The following CPNE4 variants were observed in gnomAD, a reference collection of about 807,000 sequenced individuals.
CPNE4 encodes copine-4.
A neutral mutation model predicts 67.9 loss-of-function variants in CPNE4; 25 were observed. That is an observed-to-expected ratio of 0.37 (90% CI 0.27 to 0.51). The LOEUF (loss-of-function observed/expected upper bound fraction) is 0.51, where lower values mean the gene tolerates loss of function less well. CPNE4 is among the 20% of genes least tolerant of loss of function. The pLI is 0.93. For missense variants in CPNE4, 464 were observed against 690.8 expected, an observed-to-expected ratio of 0.67 and a Z score of 3.68; for synonymous variants, 242 against 244.9, an observed-to-expected ratio of 0.99 and a Z score of 0.11.
chr3:131,609,941 C>T (rs532737031), intron 7 of CPNE4, among the ~76,000 whole-genome samples: 11 of 152,170 alleles, frequency 7.2e-5, no homozygotes, highest in African/African-American at 2.2e-4. Flanking sequence ...GCTGCATGGA[C>T]GATATCCAAC....
intron 2 of CPNE4, among the ~76,000 whole-genome samples, chr3:131,728,790 G>C (rs1583095147): frequency 6.6e-6 from 1 of 151,018 alleles, no homozygotes; most frequent in African/African-American, 2.4e-5. Context: ...GGCGCCTGTA[G>C]TCCCAGCTAC....
chr3:132,032,146 A>G (rs11708669), intron 1 of CPNE4, among the ~76,000 whole-genome samples: 33,466 of 152,144 alleles, frequency 0.22, 4,644 homozygotes, highest in East Asian at 0.38. Context: ...AAGTCTTTTA[A>G]TTTCTTTTTA....
At chr3:131,837,187 A>C (rs1422020623) in intron 2 of CPNE4, among the ~76,000 whole-genome samples, 1 of 152,112 alleles carries the variant, frequency 6.6e-6, no homozygotes, top group African/African-American at 2.4e-5. Flanking sequence ...ATAAACTGAC[A>C]AATATGACTG....
At chr3:131,684,328 A>T (rs1434080878) in intron 6 of CPNE4, among the ~76,000 whole-genome samples, 2 of 152,242 alleles carry the variant, frequency 1.3e-5, no homozygotes, top group East Asian at 3.8e-4. Flanking sequence ...GGTGGTAATG[A>T]GATGCCACTC....
chr3:131,950,057 A>G (rs2071676783), intron 1 of CPNE4, among the ~76,000 whole-genome samples: 1 of 152,168 alleles, frequency 6.6e-6, no homozygotes, highest in Admixed American at 6.5e-5. Flanking sequence ...TGCAGTAGTT[A>G]TGTTGTATAA....
intron 1 of CPNE4, among the ~76,000 whole-genome samples, chr3:132,002,146 C>T (rs997573862): frequency 1.3e-5 from 2 of 152,144 alleles, no homozygotes; most frequent in Non-Finnish European, 2.9e-5. Context: ...ATGGTGATAG[C>T]CCCCATGTCT....
chr3:131,840,608 T>TG (rs1364292609), intron 2 of CPNE4, among the ~76,000 whole-genome samples: 1 of 152,092 alleles, frequency 6.6e-6, no homozygotes, highest in African/African-American at 2.4e-5. Flanking sequence ...CCACCCTGAG[T>TG]TCTTGGCAGC....
At chr3:131,911,987 A>C (rs1179920358) in intron 1 of CPNE4, among the ~76,000 whole-genome samples, 2 of 152,184 alleles carry the variant, frequency 1.3e-5, no homozygotes, top group African/African-American at 4.8e-5. Context: ...GGCCCAGAGA[A>C]GCGGAGTAAA....
chr3:131,784,740 G>T (rs1195323580), intron 2 of CPNE4, among the ~76,000 whole-genome samples: 1 of 151,918 alleles, frequency 6.6e-6, no homozygotes, highest in Non-Finnish European at 1.5e-5. Context: ...CTTAATTCTT[G>T]CTTTCTGACA....
intron 7 of CPNE4, among the ~76,000 whole-genome samples, chr3:131,618,386 C>CT (rs1318700748): frequency 1.3e-5 from 2 of 152,090 alleles, no homozygotes; most frequent in Admixed American, 1.3e-4. Flanking sequence ...CAACTTATGA[C>CT]TTTTTTGTGG....
intron 7 of CPNE4, among the ~76,000 whole-genome samples, chr3:131,662,605 T>C (rs1399893866): frequency 2.8e-5 from 4 of 141,914 alleles, no homozygotes; most frequent in Non-Finnish European, 4.6e-5. Flanking sequence ...TATAAGGAAC[T>C]TAAACAAATT....
intron 1 of CPNE4, among the ~76,000 whole-genome samples, chr3:131,961,452 A>C (rs192510979): frequency 6.6e-6 from 1 of 152,298 alleles, no homozygotes; most frequent in African/African-American, 2.4e-5. Flanking sequence ...TCAACAAATA[A>C]GCATCATCAT....
chr3:131,676,278 C>T (rs893466527), intron 6 of CPNE4, among the ~76,000 whole-genome samples: 4 of 151,890 alleles, frequency 2.6e-5, no homozygotes, highest in African/African-American at 9.7e-5. Context: ...AGGCTGGTGT[C>T]CAACTCCTGG....
At chr3:131,722,006 T>C (rs973961580) in intron 3 of CPNE4, among the ~76,000 whole-genome samples, 2 of 152,200 alleles carry the variant, frequency 1.3e-5, no homozygotes, top group African/African-American at 4.8e-5. Context: ...ATTTCAGTAT[T>C]GGGCTTTTGA....
intron 6 of CPNE4, among the ~76,000 whole-genome samples, chr3:131,680,033 T>A (rs1486129330): frequency 2.0e-5 from 3 of 152,146 alleles, no homozygotes; most frequent in Non-Finnish European, 4.4e-5. Flanking sequence ...GGTGTTAAAG[T>A]CTCCCACTAT....
At chr3:131,664,580 G>A (rs1034166124) in intron 7 of CPNE4, among the ~76,000 whole-genome samples, 1 of 152,020 alleles carries the variant, frequency 6.6e-6, no homozygotes, top group Non-Finnish European at 1.5e-5. Flanking sequence ...TGGTTGAAAA[G>A]GTCAAGAAAT....
At position 131,941,032 on chromosome 3, in the gene CPNE4, A is replaced by G. The variant is rs558844081; in HGVS notation, c.-1-35588T>C. 3.9e-5 allele frequency among the ~76,000 whole-genome samples: 6 copies of G among 152,172 alleles called. No individual in the cohort carries two copies. The East Asian group carries it at 1.2e-3, about 29-fold the overall frequency. On this transcript the variant is annotated intron_variant, in intron 1 of 15. Coordinates refer to ENST00000429747, the MANE Select transcript of CPNE4 (RefSeq NM_130808.3). ...GAAACAAAATGAAGATTTACTTAAGACCTATGATCCTCCAAGACACTATTA... is the reference window on the plus strand; with the variant it reads ...GAAACAAAATGAAGATTTACTTAAGGCCTATGATCCTCCAAGACACTATTA...
Position 131,614,961 on chromosome 3 carries a change from G to A in CPNE4, c.682-27379C>T, listed in dbSNP as rs148886754. On this transcript the variant is annotated intron_variant, in intron 7 of 15. Transcript: ENST00000429747. ...AAAATAGAGTCTCCCTGGGGTCTTAGGAAGCTCACACAAGTATCCTAGATC... is the reference window on the plus strand; with the variant it reads ...AAAATAGAGTCTCCCTGGGGTCTTAAGAAGCTCACACAAGTATCCTAGATC... 2.2e-3 allele frequency among the ~76,000 whole-genome samples: 339 copies of A among 152,226 alleles called. 1 individual carries two copies. Among genetic ancestry groups the A allele is most frequent in the African/African-American group, 8.0e-3 (332 of 41,528 alleles).
At chr3:131,983,000 T>C (rs2072947733) in intron 1 of CPNE4, among the ~76,000 whole-genome samples, 1 of 152,080 alleles carries the variant, frequency 6.6e-6, no homozygotes, top group South Asian at 2.1e-4. Flanking sequence ...TTTTAGTACA[T>C]TTAATTACTT....
Sources: allele counts gnomAD v4.1 joint callset (sites outside exome capture counted in the v4.1 genomes callset), GRCh38; gene constraint gnomAD v4.1.1; transcripts MANE v1.5; gene names NCBI Gene and HGNC (gene_info 2026-07-23, HGNC 2026-07-21).